The following AHNAK2 variants were observed in gnomAD, a reference collection of about 807,000 sequenced individuals.
AHNAK2 encodes the protein protein AHNAK2.
Under a neutral mutation model 30.7 loss-of-function variants are expected in AHNAK2, and 18 were observed. The ratio of observed to expected loss-of-function variants is 0.59; its 90% confidence interval spans 0.41 to 0.87. The LOEUF is 0.87. Ranked by LOEUF, AHNAK2 falls within the 40% of genes least tolerant of loss-of-function variation. The pLI is 0.00. For synonymous variants in AHNAK2, 3,590 were observed against 3,073.8 expected (o/e 1.17, Z -5.56); for missense variants, 8,604 against 7,373.0 (o/e 1.17, Z -6.11).
At position 104,953,149 on chromosome 14, in the gene AHNAK2, T is replaced by C. The variant is rs778345708; in HGVS notation, c.2302A>G (p.Met768Val). The change falls in exon 7 of 7, where the codon ATG becomes GTG. Residue 768 changes from methionine to valine, a missense_variant. Transcript: ENST00000333244. ...LPKVQRPSLKMPKVDLKGPKL... is the reference protein window; with the variant it reads ...LPKVQRPSLKVPKVDLKGPKL... The stretch of plus-strand genomic sequence containing the variant: ...GGGCCCTTGAGGTCCACTTTGGGCA[T>C]CTTCAAACTGGGCCTCTGCACCTTG... The C allele has an allele frequency of 2.5e-6, 4 of 1,613,060 alleles. No homozygotes were observed. The African/African-American group carries it at 4.0e-5, about 16-fold the overall frequency.
In AHNAK2 at chr14:104,951,047, G is replaced by T. The variant is rs373889805; in HGVS notation, c.4404C>A (p.Ala1468=). The T allele has an allele frequency of 1.9e-4, 206 of 1,062,468 alleles. 78 individuals carry two copies. In the Middle Eastern group the frequency reaches 2.7e-3, roughly 14 times the overall value. 65.8% of individuals were successfully genotyped at this position (1,062,468 alleles called of 1,614,324 possible). ...SVEVDVEAPG[A]KLDGGRLEED... ...CCTCCAGCCGTCCACCATCCAGCTT[G>T]GCTCCTGGGGCCTCGACATCCACCT... The change falls in exon 7 of 7, where the codon GCC becomes GCA. Residue 1468 remains alanine, a synonymous_variant. Coordinates refer to ENST00000333244, the MANE Select transcript of AHNAK2 (RefSeq NM_138420.4).
chr14:104,962,203 C>T (rs927686970), intron 1 of AHNAK2, among the ~76,000 whole-genome samples: 11 of 152,226 alleles, frequency 7.2e-5, no homozygotes, highest in East Asian at 5.8e-4. Flanking sequence ...TGACAGCAGC[C>T]GGTGCATGCT....
At position 104,954,897 on chromosome 14, in the gene AHNAK2, C is replaced by T; in HGVS notation, c.651+60G>A. 6.5e-7 allele frequency: 1 copy of T among 1,530,412 alleles called. No homozygotes were observed. The highest frequency in any genetic ancestry group is 8.8e-7 in the Non-Finnish European group (1 of 1,136,490). 94.8% of individuals were successfully genotyped at this position (1,530,412 alleles called of 1,614,324 possible). On this transcript the variant is annotated intron_variant, in intron 6 of 6. Coordinates refer to ENST00000333244, the MANE Select transcript of AHNAK2 (RefSeq NM_138420.4). The surrounding 1 kb of genome is among the most constrained non-coding windows in gnomAD (Gnocchi z 4.3). ...AGTGGGAGTGCTATCCCCTCCCAGG[C>T]TCAGCCAGCAGGGTAGTGAAGCCAG...
chr14:104,949,556 C>G lies in AHNAK2; in HGVS notation c.5895G>C (p.Leu1965=). The G allele has an allele frequency of 6.3e-7, 1 of 1,588,344 alleles. No homozygotes were observed. Among genetic ancestry groups the G allele is most frequent in the Non-Finnish European group, 8.6e-7 (1 of 1,163,180 alleles). The part of the protein sequence containing the change: ...EVDVQAQKAK[L]DGARLEGDLS... Reference sequence around the variant, plus strand: ...GGTCTCCCTCCAGCCGCGCACCATCCAGCTTAGCCTTCTGGGCCTGGACAT... The same window carrying G: ...GGTCTCCCTCCAGCCGCGCACCATCGAGCTTAGCCTTCTGGGCCTGGACAT... The change falls in exon 7 of 7, where the codon CTG becomes CTC. Residue 1965 remains leucine, a synonymous_variant. Coordinates refer to ENST00000333244, the MANE Select transcript of AHNAK2 (RefSeq NM_138420.4).
In AHNAK2 at chr14:104,953,180, G is replaced by A. The variant is rs768568798; in HGVS notation, c.2271C>T (p.His757=). Residue 757 remains histidine (H), a synonymous_variant, in exon 7 of 7, where the codon CAC becomes CAT. Transcript: ENST00000333244. ...AACTGGGCCTCTGCACCTTGGGCAG[G>A]TGCCCTTTGAGGCTGGCTCCCTCGG... ...PLPEGASLKG[H]LPKVQRPSLK... 2.5e-6 allele frequency: 4 copies of A among 1,612,916 alleles called. No individual in the cohort carries two copies. The highest frequency in any genetic ancestry group is 2.5e-6 in the Non-Finnish European group (3 of 1,179,664).
chr14:104,974,236 G>A (rs1300194628), intron 1 of AHNAK2, among the ~76,000 whole-genome samples: 4 of 152,194 alleles, frequency 2.6e-5, no homozygotes, highest in African/African-American at 7.2e-5. Context: ...AGCATGCCCC[G>A]TCCTCCTTGT....
intron 1 of AHNAK2, among the ~76,000 whole-genome samples, chr14:104,961,220 A>C (rs1195811865): frequency 6.6e-6 from 1 of 151,858 alleles, no homozygotes; most frequent in Non-Finnish European, 1.5e-5. Context: ...GGAGTGCAAA[A>C]GTTGCTGTTG....
Position 104,949,623 on chromosome 14 carries a change from G to C in AHNAK2, c.5828C>G (p.Thr1943Arg), listed in dbSNP as rs372275908. The C allele has an allele frequency of 2.1e-5, 34 of 1,586,534 alleles. 5 individuals carry two copies. The highest frequency in any genetic ancestry group is 1.9e-4 in the African/African-American group (14 of 72,634). ...CAGAGACACCTCGACATCGGGGGCT[G>C]TCACTTCCGCCTTGGGGCCTTTCAG... Reference protein sequence around the residue: ...LDLKGPKAEVTAPDVEVSLPS... With the variant: ...LDLKGPKAEVRAPDVEVSLPS... The change falls in exon 7 of 7, where the codon ACA (threonine) becomes AGA (arginine). Residue 1943 changes from threonine (T) to arginine (R), a missense_variant. By Grantham distance (71) the Thr-to-Arg change is moderately conservative (BLOSUM62 -1). Transcript: ENST00000333244.
rs773790862 is a variant in AHNAK2 at position 104,946,128 on chromosome 14, C to A, written c.9323G>T (p.Gly3108Val). Residue 3108 changes from glycine (G) to valine (V), a missense_variant, in exon 7 of 7, where the codon GGC becomes GTC. Gly to Val is a moderately radical substitution (Grantham distance 109, BLOSUM62 -3). Transcript: ENST00000333244. ...TGGGGCCTCGACATCCACCTCCATGCCGGGCTGAGACACCTCCACGTCGGG... is the reference window on the plus strand; with the variant it reads ...TGGGGCCTCGACATCCACCTCCATGACGGGCTGAGACACCTCCACGTCGGG... ...TAPDVEVSQP[G>V]MEVDVEAPGA... is the part of the protein sequence containing the mutation. 6.2e-7 allele frequency: 1 copy of A among 1,612,438 alleles called. No homozygotes were observed. Among genetic ancestry groups the A allele is most frequent in the Non-Finnish European group, 8.5e-7 (1 of 1,179,516 alleles).
chr14:104,943,781 C>T lies in AHNAK2; in HGVS notation c.11670G>A (p.Gln3890=), dbSNP rs749414097. The change falls in exon 7 of 7, where the codon CAG becomes CAA. Residue 3890 remains glutamine (Q), a synonymous_variant. Coordinates refer to ENST00000333244, the MANE Select transcript of AHNAK2 (RefSeq NM_138420.4). ...AGLKGHLPKV[Q]MPSFKMPKVD... is the part of the protein sequence containing the mutation. ...CTTTGGGCATCTTGAAACTGGGCAT[C>T]TGCACCTTGGGCAGGTGTCCTTTGA... 6.2e-7 allele frequency: 1 copy of T among 1,613,248 alleles called. No individual in the cohort carries two copies. The highest frequency in any genetic ancestry group is 2.2e-5 in the East Asian group (1 of 44,772).
At position 104,945,186 on chromosome 14, in the gene AHNAK2, A is replaced by T. The variant is rs375636600; in HGVS notation, c.10265T>A (p.Val3422Asp). ...DIKGPKLDLK[V>D]PKAEVTVPDV... ...AGGGACTGTCACTTCCGCCTTGGGG[A>T]CTTTTAGGTCCAGCTTGGGGCCCTT... is the stretch of plus-strand genomic sequence containing the variant. Residue 3422 changes from valine (V) to aspartate (D), a missense_variant, in exon 7 of 7, where the codon GTC (valine) becomes GAC (aspartate). Coordinates refer to ENST00000333244, the MANE Select transcript of AHNAK2 (RefSeq NM_138420.4). 30 of 1,608,990 alleles carry T rather than the reference A, an allele frequency of 1.9e-5. No homozygotes were observed. The highest frequency in any genetic ancestry group is 1.5e-4 in the African/African-American group (11 of 73,250).
In AHNAK2 at chr14:104,966,139, C is replaced by A. The variant is rs550114905; in HGVS notation, c.56-8467G>T. Among the ~76,000 whole-genome samples, 3 of 152,144 alleles carry A rather than the reference C, an allele frequency of 2.0e-5. No homozygotes were observed. Among genetic ancestry groups the A allele is most frequent in the African/African-American group, 7.2e-5 (3 of 41,430 alleles). On this transcript the variant is annotated intron_variant, in intron 1 of 6. Transcript: ENST00000333244. The surrounding 1 kb of genome is among the most constrained non-coding windows in gnomAD (Gnocchi z 4.3). ...GTCTCCTGGAGGAGGTTCTCTCAAG[C>A]GAAGGAAGAGAAGGGCAGGAGGTGA...
chr14:104,941,226 G>A lies in AHNAK2; in HGVS notation c.14225C>T (p.Ser4742Leu). ...STIPLSSSEC[S>L]SFELQQVSAC... Reference sequence around the variant, plus strand: ...CGAAACCTGTTGTAATTCAAAACTTGAGCATTCTGAAGATGATAAAGGAAT... The same window carrying A: ...CGAAACCTGTTGTAATTCAAAACTTAAGCATTCTGAAGATGATAAAGGAAT... Residue 4742 changes from serine (S) to leucine (L), a missense_variant, in exon 7 of 7, where the codon TCA becomes TTA. Transcript: ENST00000333244. 6.2e-7 allele frequency: 1 copy of A among 1,613,620 alleles called. No homozygotes were observed. The highest frequency in any genetic ancestry group is 2.2e-5 in the East Asian group (1 of 44,890).
chr14:104,946,371 C>G lies in AHNAK2; in HGVS notation c.9080G>C (p.Ser3027Thr). The change falls in exon 7 of 7, where the codon AGC becomes ACC. Residue 3027 changes from serine to threonine, a missense_variant. Physicochemically the swap from Ser to Thr is moderately conservative, Grantham distance 58. Coordinates refer to ENST00000333244, the MANE Select transcript of AHNAK2 (RefSeq NM_138420.4). ...MQGDLKTTDI[S>T]IEPPSAQLEV... ...CAGTTGGGCAGAGGGGGGCTCAATG[C>G]TGATGTCAGTGGTCTTCAGGTCCCC... is the stretch of plus-strand genomic sequence containing the variant. 6.2e-7 allele frequency: 1 copy of G among 1,612,536 alleles called. No homozygotes were observed. Among genetic ancestry groups the G allele is most frequent in the Non-Finnish European group, 8.5e-7 (1 of 1,179,452 alleles).
chr14:104,955,086 A>T lies in AHNAK2; in HGVS notation c.522T>A (p.Ala174=), dbSNP rs750678887. ...VFFENIKYED[A]LKILQYSEPY... is the part of the protein sequence containing the mutation. ...GCTCTGAATATTGAAGGATTTTGAG[A>T]GCATCTTCATATTTTATGTTTTCAA... The change falls in exon 6 of 7, where the codon GCT becomes GCA. Residue 174 remains alanine, a synonymous_variant. Coordinates refer to ENST00000333244, the MANE Select transcript of AHNAK2 (RefSeq NM_138420.4). The T allele has an allele frequency of 6.2e-7, 1 of 1,613,402 alleles. No homozygotes were observed. The highest frequency in any genetic ancestry group is 1.1e-5 in the South Asian group (1 of 91,078).
At position 104,954,576 on chromosome 14, in the gene AHNAK2, T is replaced by A; in HGVS notation, c.875A>T (p.Asp292Val). The change falls in exon 7 of 7, where the codon GAC becomes GTC. Residue 292 changes from aspartate to valine, a missense_variant. Asp to Val is a radical substitution (Grantham distance 152, BLOSUM62 -3). Transcript: ENST00000333244. This position sits in a 1 kb window ranked among gnomAD's most constrained non-coding sequence, Gnocchi z 4.3. ...SEAYEPRDAH[D>V]VSPTSTDTEA... ...TGTGTCTGTGCTTGTAGGGGACACGTCATGTGCGTCCCTAGGTTCGTAGGC... is the reference window on the plus strand; with the variant it reads ...TGTGTCTGTGCTTGTAGGGGACACGACATGTGCGTCCCTAGGTTCGTAGGC... The A allele has an allele frequency of 6.2e-7, 1 of 1,609,158 alleles. No homozygotes were observed. The highest frequency in any genetic ancestry group is 8.5e-7 in the Non-Finnish European group (1 of 1,177,754).
chr14:104,968,931 G>A (rs533747104), intron 1 of AHNAK2, among the ~76,000 whole-genome samples: 2 of 152,188 alleles, frequency 1.3e-5, no homozygotes, highest in South Asian at 2.1e-4. Flanking sequence ...CACTGCCCTC[G>A]GGCTGGAAAC....
In AHNAK2 at chr14:104,954,324, C is replaced by A. The variant is rs1173483524; in HGVS notation, c.1127G>T (p.Arg376Met). The stretch of plus-strand genomic sequence containing the variant: ...ATCCTGTTCTGCCCTCTCCTCTCTC[C>A]TGCTGCCTGTGGCAGCCCCAGTCTC... ...LEETGAATGSRREERAEQDRE... is the reference protein window; with the variant it reads ...LEETGAATGSMREERAEQDRE... The change falls in exon 7 of 7, where the codon AGG becomes ATG. Residue 376 changes from arginine to methionine, a missense_variant. Coordinates refer to ENST00000333244, the MANE Select transcript of AHNAK2 (RefSeq NM_138420.4). The surrounding 1 kb of genome is among the most constrained non-coding windows in gnomAD (Gnocchi z 4.3). The A allele has an allele frequency of 1.9e-6, 3 of 1,613,670 alleles. No individual in the cohort carries two copies. The highest frequency in any genetic ancestry group is 2.2e-5 in the East Asian group (1 of 44,888).
rs190443209 is a variant in AHNAK2 at position 104,945,829 on chromosome 14, C to G, written c.9622G>C (p.Asp3208His). The G allele has an allele frequency of 4.1e-6, 6 of 1,451,908 alleles. No homozygotes were observed. In the African/African-American group the frequency reaches 8.4e-5, roughly 20 times the overall value. The allele number at this position is 1,451,908 out of a possible 1,614,324, so 89.9% of individuals were successfully genotyped here. A position where few individuals can be genotyped will look rare whatever the true frequency, so the allele number is the denominator to read the frequency against. Reference sequence around the variant, plus strand: ...ACGTGGCCCTCTGGGAGCTTCACGTCCACCTGGCCAGCCTGGACCTCCAGT... The same window carrying G: ...ACGTGGCCCTCTGGGAGCTTCACGTGCACCTGGCCAGCCTGGACCTCCAGT... ...AQLEVQAGQV[D>H]VKLPEGHVLE... The change falls in exon 7 of 7, where the codon GAC becomes CAC. Residue 3208 changes from aspartate (D) to histidine (H), a missense_variant. Physicochemically the swap from Asp to His is moderately conservative, Grantham distance 81. Coordinates refer to ENST00000333244, the MANE Select transcript of AHNAK2 (RefSeq NM_138420.4).
Sources: allele counts gnomAD v4.1 joint callset (sites outside exome capture counted in the v4.1 genomes callset), GRCh38; gene constraint gnomAD v4.1.1; non-coding constraint Gnocchi (gnomAD v3.1); transcripts MANE v1.5; gene names NCBI Gene and HGNC (gene_info 2026-07-23, HGNC 2026-07-21).